Variants in COL24A1 observed in about 807,000 individuals in gnomAD.
COL24A1 encodes collagen alpha-1(XXIV) chain.
COL24A1 carries 224 observed loss-of-function variants against 253.9 expected under a neutral mutation model. That is an observed-to-expected ratio of 0.88 (90% CI 0.79 to 0.99). COL24A1 has a LOEUF of 0.99. Among genes scored for constraint, COL24A1 ranks in the 50% least tolerant of loss-of-function variants. The pLI is 0.00. For synonymous variants in COL24A1, 685 were observed against 673.7 expected (o/e 1.02, Z -0.26); for missense variants, 2,131 against 2,068.5 (o/e 1.03, Z -0.59).
chr1:85,858,047 T>C (rs192329877), intron 37 of COL24A1, among the ~76,000 whole-genome samples: 2 of 152,334 alleles, frequency 1.3e-5, no homozygotes, highest in Non-Finnish European at 2.9e-5. Flanking sequence ...CAGTTAGCTA[T>C]GCCTCTAAAA....
intron 32 of COL24A1, among the ~76,000 whole-genome samples, chr1:85,882,205 C>T (rs1030375383): frequency 8.5e-5 from 13 of 152,160 alleles, no homozygotes; most frequent in African/African-American, 2.9e-4. Flanking sequence ...TGGCCGGGCG[C>T]AGTGGCTCAC....
Position 86,112,425 on chromosome 1 carries a change from C to T in COL24A1, c.1599+142G>A, listed in dbSNP as rs898899211. 2.1e-5 allele frequency: 13 copies of T among 632,194 alleles called. No individual in the cohort carries two copies. The African/African-American group carries it at 2.4e-4, about 12-fold the overall frequency. 39.2% of individuals were successfully genotyped at this position (632,194 alleles called of 1,614,324 possible). On this transcript the variant is annotated intron_variant, in intron 5 of 59. Coordinates refer to ENST00000370571, the MANE Select transcript of COL24A1 (RefSeq NM_152890.7). ...TAGCTCTCTGCCAGGCTAAGACAAT[C>T]ATGTTGAAGAATCATGCTCTGGAGG...
chr1:86,128,509 T>C (rs1405288980), intron 2 of COL24A1, among the ~76,000 whole-genome samples: 1 of 151,938 alleles, frequency 6.6e-6, no homozygotes. Context: ...ATCATACATG[T>C]GGTATATCAA....
At chr1:86,051,182 A>C (rs1700271541) in intron 10 of COL24A1, among the ~76,000 whole-genome samples, 1 of 152,132 alleles carries the variant, frequency 6.6e-6, no homozygotes, top group Non-Finnish European at 1.5e-5. Context: ...GGTTCAACAA[A>C]CATTATTTTA....
intron 7 of COL24A1, among the ~76,000 whole-genome samples, chr1:86,071,845 G>A (rs556106351): frequency 2.0e-5 from 3 of 152,270 alleles, no homozygotes; most frequent in African/African-American, 7.2e-5. Flanking sequence ...GTCAGTGGGT[G>A]CAGCCCATGG....
chr1:85,925,826 A>T (rs996160182), intron 24 of COL24A1, among the ~76,000 whole-genome samples: 1 of 152,210 alleles, frequency 6.6e-6, no homozygotes, highest in African/African-American at 2.4e-5. Context: ...GACAAATGGG[A>T]TCTAGTTAAA....
At chr1:85,881,656 T>C (rs575645915) in intron 32 of COL24A1, among the ~76,000 whole-genome samples, 137 of 152,156 alleles carry the variant, frequency 9.0e-4, no homozygotes, top group Middle Eastern at 6.8e-3. Context: ...GAAAATAGAA[T>C]TGCTCATAAT....
chr1:86,124,709 G>T, intron 3 of COL24A1, 136 bp downstream of exon 3: 1 of 583,146 alleles, frequency 1.7e-6, no homozygotes, highest in Non-Finnish European at 2.7e-6. Context: ...CATTTACTGT[G>T]CCAGAATGCA....
chr1:85,811,063 G>A (rs536115910), intron 47 of COL24A1, among the ~76,000 whole-genome samples: 11 of 152,206 alleles, frequency 7.2e-5, no homozygotes, highest in Admixed American at 3.3e-4. Flanking sequence ...ATCCTTTTGC[G>A]TCTGGTTTGT....
At chr1:85,967,832 A>G (rs189288921) in intron 22 of COL24A1, among the ~76,000 whole-genome samples, 138 of 152,290 alleles carry the variant, frequency 9.1e-4, no homozygotes, top group African/African-American at 2.8e-3. Context: ...TCAGGCAGTT[A>G]GATGGTCAAT....
intron 4 of COL24A1, among the ~76,000 whole-genome samples, chr1:86,114,118 T>A (rs770260818): frequency 8.5e-5 from 13 of 152,134 alleles, no homozygotes; most frequent in Non-Finnish European, 1.6e-4. Context: ...ACTTGTTGGT[T>A]GTTGCCAAAT....
intron 24 of COL24A1, among the ~76,000 whole-genome samples, chr1:85,925,028 AC>A (rs934895737): frequency 9.8e-5 from 15 of 152,316 alleles, no homozygotes; most frequent in Admixed American, 7.2e-4. Flanking sequence ...TACACCAATA[AC>A]AGACAAACAG....
chr1:86,096,167 G>T (rs1384175446), intron 5 of COL24A1, among the ~76,000 whole-genome samples: 1 of 151,994 alleles, frequency 6.6e-6, no homozygotes, highest in Non-Finnish European at 1.5e-5. Flanking sequence ...AAATTAACAG[G>T]ACTAAAAACA....
intron 31 of COL24A1, among the ~76,000 whole-genome samples, chr1:85,891,217 ATTT>A (rs138122213): frequency 3.1e-5 from 4 of 127,078 alleles, no homozygotes; most frequent in Non-Finnish European, 1.7e-5. Flanking sequence ...CGCCCGGCTA[ATTT>A]TTTTTTTTTT....
chr1:86,109,186 C>T (rs1705299678), intron 5 of COL24A1, among the ~76,000 whole-genome samples: 1 of 152,186 alleles, frequency 6.6e-6, no homozygotes, highest in Non-Finnish European at 1.5e-5. Flanking sequence ...AAACCACAAA[C>T]TCAAAAAGAA....
chr1:86,001,657 A>G (rs1695418779), intron 19 of COL24A1, among the ~76,000 whole-genome samples: 1 of 152,160 alleles, frequency 6.6e-6, no homozygotes, highest in African/African-American at 2.4e-5. Flanking sequence ...TCTTTCCATG[A>G]AAACAGGCTT....
intron 24 of COL24A1, among the ~76,000 whole-genome samples, chr1:85,926,975 C>T (rs1482583247): frequency 6.6e-6 from 1 of 152,160 alleles, no homozygotes; most frequent in Non-Finnish European, 1.5e-5. Flanking sequence ...TAGAATTTAG[C>T]AATCACCAGG....
intron 24 of COL24A1, among the ~76,000 whole-genome samples, chr1:85,913,998 G>A (rs1372885773): frequency 6.6e-6 from 1 of 152,156 alleles, no homozygotes; most frequent in Non-Finnish European, 1.5e-5. Context: ...TCTAGTGAGG[G>A]CCTGCTCCCT....
rs149027626 is a variant in COL24A1 at position 85,757,650 on chromosome 1, A to G, written c.4437+3746T>C. On this transcript the variant is annotated intron_variant, in intron 55 of 59. Coordinates refer to ENST00000370571, the MANE Select transcript of COL24A1 (RefSeq NM_152890.7). ...CTCAAAAATTTTCTTGACAATCTCCATATTCCTAGAATCCCCAAGGTATTC... is the reference window on the plus strand; with the variant it reads ...CTCAAAAATTTTCTTGACAATCTCCGTATTCCTAGAATCCCCAAGGTATTC... 4.3e-3 allele frequency among the ~76,000 whole-genome samples: 649 copies of G among 152,292 alleles called. 9 individuals are homozygous for G. The highest frequency in any genetic ancestry group is 0.015 in the African/African-American group (609 of 41,570).
Sources: allele counts gnomAD v4.1 joint callset (sites outside exome capture counted in the v4.1 genomes callset), GRCh38; gene constraint gnomAD v4.1.1; transcripts MANE v1.5; gene names NCBI Gene and HGNC (gene_info 2026-07-23, HGNC 2026-07-21).